The following XKR3 variants were observed in gnomAD, a reference collection of about 807,000 sequenced individuals.
XKR3 encodes XK-related protein 3.
Under a neutral mutation model 40.3 loss-of-function variants are expected in XKR3, and 27 were observed. That is an observed-to-expected ratio of 0.67 (90% CI 0.49 to 0.92). The LOEUF is 0.92. XKR3 is among the 40% of genes least tolerant of loss of function. The pLI, the probability that XKR3 is intolerant of heterozygous loss-of-function variation, is 0.00. For missense variants in XKR3, 472 were observed against 537.6 expected, an observed-to-expected ratio of 0.88 and a Z score of 1.21; for synonymous variants, 193 against 195.4, an observed-to-expected ratio of 0.99 and a Z score of 0.10.
chr22:16,798,457 C>A (rs2060152122), intron 3 of XKR3, among the ~76,000 whole-genome samples: 1 of 152,172 alleles, frequency 6.6e-6, no homozygotes, highest in Admixed American at 6.5e-5. Flanking sequence ...TTCAACCCAG[C>A]AATCCCATTA....
intron 1 of XKR3, among the ~76,000 whole-genome samples, chr22:16,823,058 T>C (rs2060263013): frequency 6.6e-6 from 1 of 152,028 alleles, no homozygotes; most frequent in African/African-American, 2.4e-5. Context: ...AATTTTTGTG[T>C]TTTTTGAGGA....
intron 1 of XKR3, among the ~76,000 whole-genome samples, chr22:16,820,390 C>T (rs746320185): frequency 4.6e-5 from 7 of 152,116 alleles, no homozygotes; most frequent in Admixed American, 6.6e-5. Flanking sequence ...GGAAGTGTTC[C>T]TCCTGTTTCT....
chr22:16,783,645 T>C lies in XKR3; in HGVS notation c.1354A>G (p.Ile452Val), dbSNP rs1167525729. ...HSCNRVGYFS[I>V]RKSMTCS ...TATGAACATGTCATACTTTTTCTGATTGAAAAATATCCAACCCTATTGCAG... is the reference window on the plus strand; with the variant it reads ...TATGAACATGTCATACTTTTTCTGACTGAAAAATATCCAACCCTATTGCAG... The change falls in exon 4 of 4, where the codon ATC (isoleucine) becomes GTC (valine). Residue 452 changes from isoleucine (I) to valine (V), a missense_variant. Transcript: ENST00000684488. 10 of 1,598,814 alleles carry C rather than the reference T, an allele frequency of 6.3e-6. No individual in the cohort carries two copies. The highest frequency in any genetic ancestry group is 6.8e-6 in the Non-Finnish European group (8 of 1,174,940).
chr22:16,784,511 C>A (rs1288456746), intron 3 of XKR3, 102 bp from the exon 4 acceptor site: 2 of 1,067,808 alleles, frequency 1.9e-6, no homozygotes, highest in Admixed American at 6.0e-5. Flanking sequence ...TCCTCACCCA[C>A]CTCCTTTAGA....
intron 1 of XKR3, chr22:16,821,516 C>T (rs1171760327): frequency 6.7e-6 from 1 of 149,874 alleles, no homozygotes; most frequent in African/African-American, 2.4e-5. Context: ...ACAGGTACAA[C>T]TGATGAGAAT....
At chr22:16,791,727 G>A (rs9606465) in intron 3 of XKR3, among the ~76,000 whole-genome samples, 37,124 of 138,732 alleles carry the variant, frequency 0.27, 5,522 homozygotes, top group Admixed American at 0.33. Context: ...GAGAGGGAGA[G>A]AGGGAGAAAG....
At chr22:16,790,942 G>T (rs2060113285) in intron 3 of XKR3, among the ~76,000 whole-genome samples, 1 of 151,242 alleles carries the variant, frequency 6.6e-6, no homozygotes, top group Non-Finnish European at 1.5e-5. Flanking sequence ...GCACATTATG[G>T]GTGATAATGC....
At chr22:16,806,149 C>T (rs1464199621) in intron 2 of XKR3, among the ~76,000 whole-genome samples, 1 of 151,698 alleles carries the variant, frequency 6.6e-6, no homozygotes, top group African/African-American at 2.4e-5. Flanking sequence ...ATTCCAGCTA[C>T]TTGGAAGGCT....
intron 3 of XKR3, among the ~76,000 whole-genome samples, chr22:16,791,622 T>C (rs1333184666): frequency 2.0e-5 from 3 of 150,522 alleles, no homozygotes; most frequent in African/African-American, 7.3e-5. Context: ...GTTATATATA[T>C]ACTTCAAACA....
intron 3 of XKR3, among the ~76,000 whole-genome samples, chr22:16,787,481 C>T (rs1294356045): frequency 6.6e-6 from 1 of 151,042 alleles, no homozygotes; most frequent in African/African-American, 2.4e-5. Context: ...AATCACGGAA[C>T]CCAGGACACG....
chr22:16,822,527 G>A (rs1156399257), intron 1 of XKR3, among the ~76,000 whole-genome samples: 1 of 152,136 alleles, frequency 6.6e-6, no homozygotes, highest in Non-Finnish European at 1.5e-5. Context: ...AAGCCTATAA[G>A]AGAAATAAAA....
chr22:16,793,399 C>A (rs1204074235), intron 3 of XKR3, among the ~76,000 whole-genome samples: 2 of 152,196 alleles, frequency 1.3e-5, no homozygotes, highest in East Asian at 1.9e-4. Flanking sequence ...CTTACATATT[C>A]CCCCAAAGGC....
chr22:16,820,426 G>A (rs538765712), intron 1 of XKR3, among the ~76,000 whole-genome samples: 23 of 152,270 alleles, frequency 1.5e-4, no homozygotes, highest in Non-Finnish European at 2.5e-4. Context: ...ACAGGGAGAT[G>A]GAAACAGATC....
At chr22:16,811,828 G>A (rs1000142500) in intron 1 of XKR3, among the ~76,000 whole-genome samples, 5 of 151,984 alleles carry the variant, frequency 3.3e-5, no homozygotes, top group African/African-American at 1.2e-4. Flanking sequence ...CTAACATGGT[G>A]AAACCCTGTT....
chr22:16,784,205 A>G lies in XKR3; in HGVS notation c.794T>C (p.Leu265Pro), dbSNP rs1418060073. 5.6e-6 allele frequency: 9 copies of G among 1,614,200 alleles called. No individual in the cohort carries two copies. Among genetic ancestry groups the G allele is most frequent in the Non-Finnish European group, 7.6e-6 (9 of 1,180,028 alleles). Residue 265 changes from leucine to proline, a missense_variant, in exon 4 of 4, where the codon CTA (leucine) becomes CCA (proline). Coordinates refer to ENST00000684488, the MANE Select transcript of XKR3 (RefSeq NM_001386955.1). ...AAAATATATGATTAACAAAACGGGT[A>G]GGCTCTTCAGTTTCAGAGATGCAAT... Reference protein sequence around the residue: ...FFIASLKLKSLPVLLIIYFVS... With the variant: ...FFIASLKLKSPPVLLIIYFVS...
At chr22:16,805,758 G>A (rs1485674447) in intron 2 of XKR3, among the ~76,000 whole-genome samples, 1 of 152,166 alleles carries the variant, frequency 6.6e-6, no homozygotes, top group Admixed American at 6.5e-5. Context: ...CAATGGGATA[G>A]ATAAGACACT....
intron 3 of XKR3, among the ~76,000 whole-genome samples, chr22:16,794,657 G>A (rs1270103467): frequency 1.7e-4 from 26 of 152,142 alleles, no homozygotes; most frequent in African/African-American, 5.8e-4. Context: ...GCTACACAAC[G>A]AAGTCTACCT....
chr22:16,818,830 T>TAA (rs1027981503), intron 1 of XKR3, among the ~76,000 whole-genome samples: 27 of 152,230 alleles, frequency 1.8e-4, no homozygotes, highest in Admixed American at 1.5e-3. Context: ...GAGCCAGATC[T>TAA]AAGTAGAGAT....
intron 1 of XKR3, among the ~76,000 whole-genome samples, chr22:16,813,241 A>G (rs972707716): frequency 6.6e-6 from 1 of 152,020 alleles, no homozygotes; most frequent in African/African-American, 2.4e-5. Flanking sequence ...CCAAGATTGC[A>G]CCACTGCACT....
Sources: gnomAD v4.1 joint callset for allele counts (sites outside exome capture counted in the v4.1 genomes callset) on GRCh38, gnomAD v4.1.1 for gene constraint, MANE v1.5 for transcripts, NCBI Gene and HGNC (gene_info 2026-07-23, HGNC 2026-07-21) for gene names.